IQCJ: variants seen among roughly 807,000 people sequenced by gnomAD.
The protein encoded by IQCJ is IQ motif containing J, also known as IQ domain-containing protein J.
In IQCJ, 9 loss-of-function variants were observed where a neutral mutation model predicts 11.0. The observed-to-expected ratio is 0.82, with a 90% confidence interval of 0.49 to 1.43. The LOEUF is 1.43. Ranked by LOEUF, IQCJ falls within the 40% of genes most tolerant of loss-of-function variation. The pLI is 0.00. For synonymous variants in IQCJ, 55 were observed against 51.3 expected (o/e 1.07, Z -0.31); for missense variants, 146 against 133.2 (o/e 1.10, Z -0.47).
Position 159,259,615 on chromosome 3 carries a change from C to G in IQCJ, c.156-2933C>G, listed in dbSNP as rs569869306. On this transcript the variant is annotated intron_variant, in intron 3 of 3. Coordinates refer to ENST00000397832, the MANE Select transcript of IQCJ (RefSeq NM_001042706.3). ...GAGATGGTATTAAGACAGCTTAATACTGGAACAATTTAATCTTTGAAGGTC... is the reference window on the plus strand; with the variant it reads ...GAGATGGTATTAAGACAGCTTAATAGTGGAACAATTTAATCTTTGAAGGTC... Among the ~76,000 whole-genome samples the G allele has an allele frequency of 2.6e-5, 4 of 152,268 alleles. No individual in the cohort carries two copies. In the East Asian group the frequency reaches 7.7e-4, roughly 29 times the overall value.
At chr3:159,142,707 C>T (rs1215796826) in intron 1 of IQCJ, among the ~76,000 whole-genome samples, 2 of 152,134 alleles carry the variant, frequency 1.3e-5, no homozygotes, top group African/African-American at 2.4e-5. Context: ...CGTCAGCCAC[C>T]GTACCCAGCC....
In IQCJ at chr3:159,178,159, C is replaced by T. The variant is rs1362133392; in HGVS notation, c.10-67684C>T. ...GAAACTTTTAAAGATTTCTTTATTT[C>T]TATGCTTTCTCATATCTGGGATGCC... is the stretch of plus-strand genomic sequence containing the variant. On this transcript the variant is annotated intron_variant, in intron 1 of 3. Transcript: ENST00000397832. Among the ~76,000 whole-genome samples the T allele has an allele frequency of 2.6e-5, 4 of 152,084 alleles. No individual in the cohort carries two copies. The South Asian group carries it at 8.3e-4, about 32-fold the overall frequency.
intron 1 of IQCJ, among the ~76,000 whole-genome samples, chr3:159,227,711 G>A (rs1725941153): frequency 6.6e-6 from 1 of 152,314 alleles, no homozygotes; most frequent in East Asian, 1.9e-4. Flanking sequence ...TTATTCCAGA[G>A]TTCTACATAG....
chr3:159,253,693 A>G (rs1313041830), intron 3 of IQCJ, among the ~76,000 whole-genome samples: 1 of 152,088 alleles, frequency 6.6e-6, no homozygotes, highest in South Asian at 2.1e-4. Context: ...GAATGTTAAC[A>G]TATCTGAGCT....
At chr3:159,186,838 G>A (rs1723399605) in intron 1 of IQCJ, among the ~76,000 whole-genome samples, 1 of 152,212 alleles carries the variant, frequency 6.6e-6, no homozygotes. Flanking sequence ...ACATGCTGCT[G>A]GTGAGAGAAA....
In IQCJ at chr3:159,071,620, G is replaced by A. The variant is rs1288555535; in HGVS notation, c.9+2179G>A. On this transcript the variant is annotated intron_variant, in intron 1 of 3. Transcript: ENST00000397832. Reference sequence around the variant, plus strand: ...CAATTATTTTGTTTGAGGTTTCATAGGTGTAAAAAGAGGTTTTGTTTTTCA... The same window carrying A: ...CAATTATTTTGTTTGAGGTTTCATAAGTGTAAAAAGAGGTTTTGTTTTTCA... Among the ~76,000 whole-genome samples, 3 of 151,990 alleles carry A rather than the reference G, an allele frequency of 2.0e-5. No individual in the cohort carries two copies. The South Asian group carries it at 6.2e-4, about 31-fold the overall frequency.
At chr3:159,122,292 C>G (rs748407229) in intron 1 of IQCJ, among the ~76,000 whole-genome samples, 16 of 152,028 alleles carry the variant, frequency 1.1e-4, no homozygotes, top group Non-Finnish European at 2.2e-4. Flanking sequence ...AGTGGGGGGA[C>G]AAAAATATTC....
chr3:159,258,057 CG>C (rs1485729539), intron 3 of IQCJ, among the ~76,000 whole-genome samples: 1 of 152,186 alleles, frequency 6.6e-6, no homozygotes, highest in Non-Finnish European at 1.5e-5. Context: ...CATGGTCTAA[CG>C]TGCTTTAAGC....
intron 1 of IQCJ, among the ~76,000 whole-genome samples, chr3:159,084,142 A>G (rs1336566050): frequency 6.6e-6 from 1 of 152,132 alleles, no homozygotes; most frequent in African/African-American, 2.4e-5. Context: ...TACTATATTT[A>G]TGTAAGATGT....
chr3:159,204,540 G>A (rs1013907047), intron 1 of IQCJ, among the ~76,000 whole-genome samples: 6 of 152,324 alleles, frequency 3.9e-5, no homozygotes, highest in African/African-American at 1.4e-4. Flanking sequence ...GACAAGAAGT[G>A]GAAGCTGTTA....
At chr3:159,205,859 T>A (rs1724630470) in intron 1 of IQCJ, among the ~76,000 whole-genome samples, 1 of 152,208 alleles carries the variant, frequency 6.6e-6, no homozygotes, top group African/African-American at 2.4e-5. Context: ...TCAAGTTTCT[T>A]TTCCTTCTCC....
intron 1 of IQCJ, among the ~76,000 whole-genome samples, chr3:159,182,200 T>A (rs561413300): frequency 2.5e-4 from 38 of 150,330 alleles, no homozygotes; most frequent in Non-Finnish European, 4.9e-4. Context: ...CCAACAAAAT[T>A]ATACTTTTTT....
At chr3:159,169,619 T>G (rs1722385733) in intron 1 of IQCJ, among the ~76,000 whole-genome samples, 1 of 152,144 alleles carries the variant, frequency 6.6e-6, no homozygotes, top group Non-Finnish European at 1.5e-5. Context: ...ACAGCATAGC[T>G]GTAGCAAGTT....
At chr3:159,093,956 G>A (rs994894917) in intron 1 of IQCJ, among the ~76,000 whole-genome samples, 3 of 151,880 alleles carry the variant, frequency 2.0e-5, no homozygotes, top group African/African-American at 7.3e-5. Flanking sequence ...TACAATTCAA[G>A]ATGAGATTTT....
At chr3:159,200,378 G>A (rs1724259658) in intron 1 of IQCJ, among the ~76,000 whole-genome samples, 1 of 152,076 alleles carries the variant, frequency 6.6e-6, no homozygotes, top group Non-Finnish European at 1.5e-5. Flanking sequence ...GCATCAAAGA[G>A]GAAGTGGAAT....
chr3:159,217,986 G>GTGGT (rs1469449749), intron 1 of IQCJ, among the ~76,000 whole-genome samples: 1 of 151,574 alleles, frequency 6.6e-6, no homozygotes, highest in Non-Finnish European at 1.5e-5. Flanking sequence ...TACAGCTTTG[G>GTGGT]TGGTTGGCAC....
At chr3:159,213,228 CAATAA>C (rs1321814299) in intron 1 of IQCJ, among the ~76,000 whole-genome samples, 1 of 152,148 alleles carries the variant, frequency 6.6e-6, no homozygotes, top group Non-Finnish European at 1.5e-5. Flanking sequence ...AGTTGACAGT[CAATAA>C]AGTAAAAACC....
intron 1 of IQCJ, among the ~76,000 whole-genome samples, chr3:159,085,676 A>G (rs866774098): frequency 5.5e-4 from 82 of 148,860 alleles, no homozygotes; most frequent in Non-Finnish European, 7.9e-4. Context: ...CAGTGATGAT[A>G]AGCATTTTTT....
chr3:159,210,352 T>C (rs965059219), intron 1 of IQCJ, among the ~76,000 whole-genome samples: 1 of 152,222 alleles, frequency 6.6e-6, no homozygotes, highest in Admixed American at 6.5e-5. Context: ...TTTAATACTA[T>C]ATGTGTAAAC....
Sources: gnomAD v4.1 joint callset for allele counts (sites outside exome capture counted in the v4.1 genomes callset) on GRCh38, gnomAD v4.1.1 for gene constraint, MANE v1.5 for transcripts, NCBI Gene and HGNC (gene_info 2026-07-23, HGNC 2026-07-21) for gene names.